The following LRFN2 variants were observed in gnomAD, a reference collection of about 807,000 sequenced individuals.
LRFN2 encodes the protein leucine-rich repeat and fibronectin type-III domain-containing protein 2.
A neutral mutation model predicts 37.3 loss-of-function variants in LRFN2; 18 were observed. The observed-to-expected ratio is 0.48, with a 90% confidence interval of 0.33 to 0.72. The LOEUF (loss-of-function observed/expected upper bound fraction) is 0.72, where lower values mean the gene tolerates loss of function less well. Among genes scored for constraint, LRFN2 ranks in the 30% least tolerant of loss-of-function variants. The pLI is 0.02. For synonymous variants in LRFN2, 556 were observed against 466.6 expected, an observed-to-expected ratio of 1.19 and a Z score of -2.47; for missense variants, 1,006 against 1,060.7, an observed-to-expected ratio of 0.95 and a Z score of 0.72.
intron 1 of LRFN2, among the ~76,000 whole-genome samples, chr6:40,442,951 GTTA>G (rs1763875284): frequency 1.3e-5 from 2 of 152,196 alleles, no homozygotes; most frequent in South Asian, 4.1e-4. Flanking sequence ...ACCCTGCCCT[GTTA>G]TTATGTGTGT....
At chr6:40,489,624 T>C (rs2113868897) in intron 1 of LRFN2, among the ~76,000 whole-genome samples, 1 of 152,212 alleles carries the variant, frequency 6.6e-6, no homozygotes, top group East Asian at 1.9e-4. Context: ...CAGGGCTTCC[T>C]GGGTGCTGAC....
chr6:40,507,588 A>G (rs570205857), intron 1 of LRFN2, among the ~76,000 whole-genome samples: 1 of 152,340 alleles, frequency 6.6e-6, no homozygotes, highest in Admixed American at 6.5e-5. Flanking sequence ...AAGGTTGGGC[A>G]GGCCGTTGGG....
Position 40,392,569 on chromosome 6 carries a change from C to T in LRFN2, c.1744G>A (p.Ala582Thr), listed in dbSNP as rs771240052. ...GCGCTGCTTGGAGGCGGTGGCTGGGCGCCGTTGGTCTGCGAGTACACATTG... is the reference window on the plus strand; with the variant it reads ...GCGCTGCTTGGAGGCGGTGGCTGGGTGCCGTTGGTCTGCGAGTACACATTG... ...VSNVYSQTNGAQPPPPSSAPA... is the reference protein window; with the variant it reads ...VSNVYSQTNGTQPPPPSSAPA... Residue 582 changes from alanine (A) to threonine (T), a missense_variant, in exon 3 of 3, where the codon GCC becomes ACC. Physicochemically the swap from Ala to Thr is moderately conservative, Grantham distance 58. Around this residue, in one of 4 missense-constraint regions of LRFN2, gnomAD observed 398 missense variants for 327.6 expected, o/e 1.21. Coordinates refer to ENST00000338305, the MANE Select transcript of LRFN2 (RefSeq NM_020737.3). The surrounding 1 kb of genome is among the most constrained non-coding windows in gnomAD (Gnocchi z 4.7). The T allele has an allele frequency of 1.4e-5, 23 of 1,603,922 alleles. No homozygotes were observed. Among genetic ancestry groups the T allele is most frequent in the Admixed American group, 5.0e-5 (3 of 59,848 alleles).
intron 1 of LRFN2, among the ~76,000 whole-genome samples, chr6:40,471,265 C>A (rs1323746488): frequency 6.6e-6 from 1 of 152,174 alleles, no homozygotes; most frequent in Non-Finnish European, 1.5e-5. Flanking sequence ...TAGGGCTCAA[C>A]TTCCAAATGA....
At chr6:40,495,445 C>A (rs1765202683) in intron 1 of LRFN2, among the ~76,000 whole-genome samples, 1 of 152,214 alleles carries the variant, frequency 6.6e-6, no homozygotes, top group South Asian at 2.1e-4. Context: ...ACTACCTCAT[C>A]CCCACCTCTC....
chr6:40,557,468 G>T (rs932683972), intron 1 of LRFN2, among the ~76,000 whole-genome samples: 8 of 152,178 alleles, frequency 5.3e-5, no homozygotes, highest in Non-Finnish European at 1.2e-4. Context: ...CAGGCACAGT[G>T]GTCAGGGGTC....
At chr6:40,469,122 G>A (rs376127444) in intron 1 of LRFN2, among the ~76,000 whole-genome samples, 66 of 152,170 alleles carry the variant, frequency 4.3e-4, no homozygotes, top group Non-Finnish European at 8.5e-4. Context: ...GCACAGGAGG[G>A]GAAGACACAC....
At chr6:40,436,489 A>G (rs1157400219) in intron 1 of LRFN2, among the ~76,000 whole-genome samples, 2 of 139,758 alleles carry the variant, frequency 1.4e-5, no homozygotes, top group African/African-American at 5.7e-5. Context: ...TCTATAGGAT[A>G]TGTGTTTTTT....
At chr6:40,434,101 A>G (rs953888895) in intron 1 of LRFN2, among the ~76,000 whole-genome samples, 6 of 152,184 alleles carry the variant, frequency 3.9e-5, no homozygotes, top group East Asian at 1.9e-4. Context: ...ATCCCTATCT[A>G]TGTTTTAACT....
chr6:40,484,434 A>C (rs887080626), intron 1 of LRFN2, among the ~76,000 whole-genome samples: 1 of 152,192 alleles, frequency 6.6e-6, no homozygotes, highest in East Asian at 1.9e-4. Context: ...GCTTCTTCAG[A>C]GGCCTAGGCC....
intron 1 of LRFN2, among the ~76,000 whole-genome samples, chr6:40,562,367 C>T (rs1312799164): frequency 6.6e-6 from 1 of 151,732 alleles, no homozygotes; most frequent in Admixed American, 6.6e-5. Flanking sequence ...CCTAAGGGCC[C>T]TAGAAGGCTT....
chr6:40,404,430 A>G (rs925596958), intron 2 of LRFN2, among the ~76,000 whole-genome samples: 2 of 152,210 alleles, frequency 1.3e-5, no homozygotes, highest in East Asian at 1.9e-4. Flanking sequence ...ACTGCCCAAT[A>G]TAGTAGCTGC....
At chr6:40,397,653 C>T (rs777279266) in intron 2 of LRFN2, among the ~76,000 whole-genome samples, 12 of 152,182 alleles carry the variant, frequency 7.9e-5, no homozygotes, top group Non-Finnish European at 1.6e-4. Flanking sequence ...GCAGAATCAG[C>T]CGGGCCCTGA....
At chr6:40,581,652 T>C (rs1767405608) in intron 1 of LRFN2, among the ~76,000 whole-genome samples, 1 of 152,228 alleles carries the variant, frequency 6.6e-6, no homozygotes, top group Non-Finnish European at 1.5e-5. Context: ...AATACCTTTT[T>C]AGAATGACAA....
chr6:40,486,815 G>A (rs1483622235), intron 1 of LRFN2, among the ~76,000 whole-genome samples: 3 of 152,202 alleles, frequency 2.0e-5, no homozygotes, highest in Admixed American at 2.0e-4. Flanking sequence ...GTGTGGGCAA[G>A]TGTAAGATAA....
At chr6:40,553,128 G>A (rs940778731) in intron 1 of LRFN2, among the ~76,000 whole-genome samples, 1 of 152,148 alleles carries the variant, frequency 6.6e-6, no homozygotes, top group Admixed American at 6.5e-5. Flanking sequence ...GTGGAGGAGG[G>A]CATGTTGCTT....
chr6:40,425,669 T>C (rs1219007556), intron 2 of LRFN2, among the ~76,000 whole-genome samples: 8 of 152,124 alleles, frequency 5.3e-5, no homozygotes, highest in Non-Finnish European at 1.0e-4. Context: ...TAGTCAGCCC[T>C]CCCTAGTCAC....
At chr6:40,570,540 C>T (rs751221175) in intron 1 of LRFN2, among the ~76,000 whole-genome samples, 9 of 152,148 alleles carry the variant, frequency 5.9e-5, no homozygotes, top group Non-Finnish European at 8.8e-5. Context: ...CCTGTCCCTT[C>T]CCCATTCCTG....
chr6:40,425,190 G>A (rs905565829), intron 2 of LRFN2, among the ~76,000 whole-genome samples: 5 of 152,174 alleles, frequency 3.3e-5, no homozygotes, highest in Admixed American at 6.5e-5. Context: ...CAGATAGGGC[G>A]CGACAGGGGC....
Sources: gnomAD v4.1 joint callset for allele counts (sites outside exome capture counted in the v4.1 genomes callset) on GRCh38, gnomAD v4.1.1 for gene constraint, gnomAD v4.1.1 regional missense constraint, Gnocchi (gnomAD v3.1) non-coding constraint, MANE v1.5 for transcripts, NCBI Gene and HGNC (gene_info 2026-07-23, HGNC 2026-07-21) for gene names.